The following PBRM1 variants were observed in gnomAD, a reference collection of about 807,000 sequenced individuals.
PBRM1 encodes protein polybromo-1.
Under a neutral mutation model 194.5 loss-of-function variants are expected in PBRM1, and 27 were observed. That is an observed-to-expected ratio of 0.14 (90% CI 0.10 to 0.19). The LOEUF is 0.19. PBRM1 is among the 10% of genes least tolerant of loss of function. The pLI is 1.00. For missense variants in PBRM1, 1,466 were observed against 2,077.2 expected, an observed-to-expected ratio of 0.71 and a Z score of 5.72; for synonymous variants, 655 against 693.2, an observed-to-expected ratio of 0.94 and a Z score of 0.87.
At chr3:52,649,680 C>T (rs967394576) in intron 6 of PBRM1, among the ~76,000 whole-genome samples, 2 of 152,282 alleles carry the variant, frequency 1.3e-5, no homozygotes, top group East Asian at 1.9e-4. Context: ...TTGTGACATG[C>T]TTTAGCAGGC....
downstream of PBRM1, chr3:52,546,929 G>T (rs2079754829): frequency 4.3e-6 from 1 of 233,016 alleles, no homozygotes; most frequent in Non-Finnish European, 8.5e-6. Context: ...TAACAACATT[G>T]AAACTTAAAA....
intron 2 of PBRM1, among the ~76,000 whole-genome samples, chr3:52,669,070 T>C (rs1224223646): frequency 6.6e-6 from 1 of 152,166 alleles, no homozygotes; most frequent in Non-Finnish European, 1.5e-5. Context: ...CTTTCTTCAG[T>C]AAGTGACCAC....
chr3:52,555,441 G>A (rs1485934816), intron 26 of PBRM1, among the ~76,000 whole-genome samples: 1 of 152,228 alleles, frequency 6.6e-6, no homozygotes, highest in African/African-American at 2.4e-5. Flanking sequence ...CTGCTGGTAA[G>A]AATGGATTGT....
chr3:52,579,366 G>A (rs904193360), intron 20 of PBRM1, 167 bp from the exon 23 acceptor site: 8 of 620,190 alleles, frequency 1.3e-5, no homozygotes, highest in Middle Eastern at 4.4e-4. Context: ...CAGGACGATC[G>A]CTTGAGCCCA....
intron 5 of PBRM1, among the ~76,000 whole-genome samples, chr3:52,655,791 T>C (rs2096596601): frequency 6.6e-6 from 1 of 152,192 alleles, no homozygotes; most frequent in Non-Finnish European, 1.5e-5. Flanking sequence ...GACACACCTT[T>C]AAATAACTAT....
intron 6 of PBRM1, among the ~76,000 whole-genome samples, chr3:52,649,354 A>C (rs1322444939): frequency 6.6e-6 from 1 of 152,166 alleles, no homozygotes; most frequent in Non-Finnish European, 1.5e-5. Flanking sequence ...CAGCTAATTC[A>C]TGCTTGGGTC....
chr3:52,612,275 A>AAAAAAAAAAAAAAAAAG (rs2094673267), intron 15 of PBRM1, among the ~76,000 whole-genome samples: 1 of 149,434 alleles, frequency 6.7e-6, no homozygotes, highest in African/African-American at 2.5e-5. Context: ...AAAAAAAAAA[A>AAAAAAAAAAAAAAAAAG]AAAAAAAGAG....
At chr3:52,585,776 T>C (rs12629699) in intron 20 of PBRM1, 69,189 of 151,854 alleles carry the variant, frequency 0.46, 16,096 homozygotes, top group African/African-American at 0.52. Flanking sequence ...CCACCCATCT[T>C]GGCCTCCCAA....
At chr3:52,634,904 G>C in intron 10 of PBRM1, 89 bp from the exon 12 acceptor site, 1 of 878,964 alleles carries the variant, frequency 1.1e-6, no homozygotes, top group East Asian at 2.5e-5. Context: ...CTTCCAGATT[G>C]AACTAAATAT....
intron 14 of PBRM1, among the ~76,000 whole-genome samples, chr3:52,616,586 G>C (rs1397712494): frequency 6.6e-6 from 1 of 152,110 alleles, no homozygotes; most frequent in African/African-American, 2.4e-5. Flanking sequence ...CCAGCTACTC[G>C]GGAGGCTGAG....
intron 10 of PBRM1, among the ~76,000 whole-genome samples, chr3:52,639,942 G>C (rs1031333822): frequency 2.0e-5 from 3 of 152,186 alleles, no homozygotes; most frequent in Non-Finnish European, 4.4e-5. Context: ...ACATGAAGAA[G>C]TGTGTTCAAA....
At chr3:52,612,990 A>C (rs1330710348) in intron 15 of PBRM1, among the ~76,000 whole-genome samples, 2 of 152,192 alleles carry the variant, frequency 1.3e-5, no homozygotes, top group Non-Finnish European at 2.9e-5. Context: ...CAACTATAAA[A>C]ATACATTTGT....
At chr3:52,604,650 A>T (rs1576562544) in intron 16 of PBRM1, among the ~76,000 whole-genome samples, 1 of 151,790 alleles carries the variant, frequency 6.6e-6, no homozygotes, top group South Asian at 2.1e-4. Context: ...TTATGATGGC[A>T]CCGCTGCATT....
intron 10 of PBRM1, 65 bp downstream of exon 11, chr3:52,641,889 G>T: frequency 1.0e-6 from 1 of 980,368 alleles, no homozygotes; most frequent in Non-Finnish European, 1.7e-6. Flanking sequence ...AAAAATCACT[G>T]CAATTTCATT....
chr3:52,584,184 A>T (rs2091951456), intron 20 of PBRM1, among the ~76,000 whole-genome samples: 1 of 151,862 alleles, frequency 6.6e-6, no homozygotes, highest in African/African-American at 2.4e-5. Context: ...CCTTCAGTAA[A>T]TTTTTTTCCT....
At chr3:52,579,076 G>A (rs749327283) in exon 21 of PBRM1, 1 of 1,614,090 alleles carries the variant, frequency 6.2e-7, no homozygotes, top group Admixed American at 1.7e-5. Context: ...GGACGCACCA[G>A]GCCATGGGAC....
chr3:52,589,515 ACCTTAC>A (rs2092797521), intron 17 of PBRM1, among the ~76,000 whole-genome samples: 2 of 152,216 alleles, frequency 1.3e-5, no homozygotes, highest in African/African-American at 4.8e-5. Flanking sequence ...TAAAAACATC[ACCTTAC>A]TAATATATGA....
In PBRM1 at chr3:52,594,006, G is replaced by C. The variant is rs549723297; in HGVS notation, c.2780-4751C>G. Among the ~76,000 whole-genome samples, 7 of 152,276 alleles carry C rather than the reference G, an allele frequency of 4.6e-5. No individual in the cohort carries two copies. In the East Asian group the frequency reaches 1.4e-3, roughly 29 times the overall value. ...TGTTAATTTTCTGCTCTGATGGTCT[G>C]TCTAGTACCGTCAGTTGGGTATTAA... On this transcript the variant is annotated intron_variant, in intron 17 of 29. Transcript: ENST00000296302.
exon 29 of PBRM1, chr3:52,550,500 G>A (rs2080683984): frequency 1.3e-6 from 2 of 1,584,380 alleles, no homozygotes; most frequent in African/African-American, 1.4e-5. Flanking sequence ...AGGCCTCTGA[G>A]TGAAGAAGCC....
Sources: gnomAD v4.1 joint callset for allele counts (sites outside exome capture counted in the v4.1 genomes callset) on GRCh38, gnomAD v4.1.1 for gene constraint, MANE v1.5 for transcripts, NCBI Gene and HGNC (gene_info 2026-07-23, HGNC 2026-07-21) for gene names.